DIP2A: variants seen among roughly 807,000 people sequenced by gnomAD.
DIP2A encodes disco-interacting protein 2 homolog A.
In DIP2A, 85 loss-of-function variants were observed where a neutral mutation model predicts 177.4. That is an observed-to-expected ratio of 0.48 (90% CI 0.40 to 0.57). The LOEUF (loss-of-function observed/expected upper bound fraction) is 0.57. Among genes scored for constraint, DIP2A ranks in the 20% least tolerant of loss-of-function variants. The pLI is 0.00. For synonymous variants in DIP2A, 886 were observed against 881.8 expected, an observed-to-expected ratio of 1.00 and a Z score of -0.08; for missense variants, 1,791 against 2,100.2, an observed-to-expected ratio of 0.85 and a Z score of 2.88.
chr21:46,566,458 C>A lies in DIP2A; in HGVS notation c.4340-102C>A, dbSNP rs1054570996. 17 of 1,509,912 alleles carry A rather than the reference C, an allele frequency of 1.1e-5. No individual in the cohort carries two copies. In the African/African-American group the frequency reaches 2.3e-4, roughly 21 times the overall value. 93.5% of individuals were successfully genotyped at this position (1,509,912 alleles called of 1,614,324 possible). A position where few individuals can be genotyped will look rare whatever the true frequency, so the allele number is the denominator to read the frequency against. ...GACCTCATGATGTTTCAGTTGAGAC[C>A]TCCCTGTGCCTGAGAGCCCCTGGTT... On this transcript the variant is annotated intron_variant, in intron 36 of 37. Coordinates refer to ENST00000417564, the MANE Select transcript of DIP2A (RefSeq NM_015151.4).
intron 1 of DIP2A, among the ~76,000 whole-genome samples, chr21:46,461,483 T>C (rs1347781421): frequency 6.6e-6 from 1 of 152,138 alleles, no homozygotes; most frequent in African/African-American, 2.4e-5. Context: ...GCTCCTAATT[T>C]CTGCTCCAAT....
chr21:46,514,642 G>GTTTTTTTTTTTTTTTTTTTTTTT (rs1159261551), intron 8 of DIP2A, among the ~76,000 whole-genome samples: 1 of 67,786 alleles, frequency 1.5e-5, no homozygotes, highest in Non-Finnish European at 2.8e-5. Flanking sequence ...TTTTTTTTTG[G>GTTTTTTTTTTTTTTTTTTTTTTT]TTTTTTTTTT....
chr21:46,491,568 A>G (rs2057015984), intron 3 of DIP2A, among the ~76,000 whole-genome samples: 1 of 152,236 alleles, frequency 6.6e-6, no homozygotes. Context: ...TGTTAAATAT[A>G]TAAAAAATAT....
rs193016862 is a variant in DIP2A at position 46,564,080 on chromosome 21, A to G, written c.4164+148A>G. The G allele has an allele frequency of 5.2e-4, 459 of 888,444 alleles. 4 individuals carry two copies. The African/African-American group carries it at 7.1e-3, about 14-fold the overall frequency. The allele number at this position is 888,444 out of a possible 1,614,324, so 55.0% of individuals were successfully genotyped here. ...GGCCCTTGCCCCGTGTACCTCCCAG[A>G]CCCAGTTCCTATGTAGGATTTTGGG... is the stretch of plus-strand genomic sequence containing the variant. On this transcript the variant is annotated intron_variant, in intron 35 of 37. Transcript: ENST00000417564.
At position 46,458,904 on chromosome 21, in the gene DIP2A, C is replaced by G. The variant is rs1848926692; in HGVS notation, c.-228C>G. 3 of 234,338 alleles carry G rather than the reference C, an allele frequency of 1.3e-5. No homozygotes were observed. The highest frequency in any genetic ancestry group is 5.7e-5 in the Admixed American group (1 of 17,648). The allele number at this position is 234,338 out of a possible 1,614,324, so 14.5% of individuals were successfully genotyped here. On this transcript the variant is annotated 5_prime_UTR_variant, in exon 1 of 38. Transcript: ENST00000417564. ...GCACGCGCTCCCGTGTAGGGCCGGC[C>G]GGGCGCTCAGGAGCGCGCGGGGCAG... is the stretch of plus-strand genomic sequence containing the variant.
At chr21:46,555,031 G>A in intron 28 of DIP2A, 98 bp downstream of exon 28, 1 of 1,266,152 alleles carries the variant, frequency 7.9e-7, no homozygotes, top group Admixed American at 2.0e-5. Flanking sequence ...CGTGAGGCAA[G>A]AGCAGTCCTG....
rs1003814775 is a variant in DIP2A, at chr21:46,459,073, C to T, written c.-59C>T. On this transcript the variant is annotated 5_prime_UTR_variant, in exon 1 of 38. Coordinates refer to ENST00000417564, the MANE Select transcript of DIP2A (RefSeq NM_015151.4). The stretch of plus-strand genomic sequence containing the variant: ...GGGAGCTACGTAGCCGAGGTTTGCG[C>T]TGCCGCCGCCAGGCCCGGTCCGGTT... 40 of 1,361,684 alleles carry T rather than the reference C, an allele frequency of 2.9e-5. No homozygotes were observed. The Middle Eastern group carries it at 5.6e-4, about 19-fold the overall frequency. 84.4% of individuals were successfully genotyped at this position (1,361,684 alleles called of 1,614,324 possible).
chr21:46,531,398 T>G (rs2059350453), intron 9 of DIP2A, among the ~76,000 whole-genome samples: 1 of 152,210 alleles, frequency 6.6e-6, no homozygotes. Flanking sequence ...TGGAGGTAGC[T>G]GTTATCAGAA....
chr21:46,545,808 C>A, intron 19 of DIP2A, 73 bp from the exon 20 acceptor site: 2 of 1,558,852 alleles, frequency 1.3e-6, no homozygotes, highest in Non-Finnish European at 1.8e-6. Flanking sequence ...GAGCCTCCTG[C>A]CGCCTGCTGG....
chr21:46,557,782 GT>G lies in DIP2A; in HGVS notation c.3798+30del. On this transcript the variant is annotated intron_variant, in intron 31 of 37. Coordinates refer to ENST00000417564, the MANE Select transcript of DIP2A (RefSeq NM_015151.4). This position sits in a 1 kb window ranked among gnomAD's most constrained non-coding sequence, Gnocchi z 6.0. ...AGTGCCCAGACCCGGGCTTCTGAGT[GT>G]GCTGCAGACCACAGCCCTGGGAAGT... The G allele has an allele frequency of 2.5e-6, 4 of 1,593,430 alleles. No homozygotes were observed. The highest frequency in any genetic ancestry group is 3.4e-6 in the Non-Finnish European group (4 of 1,163,458).
the DIP2A span, among the ~76,000 whole-genome samples, chr21:46,580,115 T>A: frequency 6.6e-6 from 1 of 152,210 alleles, no homozygotes; most frequent in Non-Finnish European, 1.5e-5. Flanking sequence ...AAAACTTGTT[T>A]TATAAATCTG....
At position 46,507,692 on chromosome 21, in the gene DIP2A, CTTTTT is replaced by C. The variant is rs34594717; in HGVS notation, c.785-1543_785-1539del. Among the ~76,000 whole-genome samples the C allele has an allele frequency of 2.3e-4, 10 of 43,950 alleles. 1 individual carries two copies. The East Asian group carries it at 6.4e-3, about 28-fold the overall frequency. The allele number at this position is 43,950 out of a possible 152,430, so 28.8% of individuals were successfully genotyped here. A position where few individuals can be genotyped will look rare whatever the true frequency, so the allele number is the denominator to read the frequency against. ...TGCTTTTTTTTTTTAATTTTCTGTT[CTTTTT>C]TTTTTTTTTTTTTTTTTTTTTAAGA... On this transcript the variant is annotated intron_variant, in intron 6 of 37. Coordinates refer to ENST00000417564, the MANE Select transcript of DIP2A (RefSeq NM_015151.4).
At chr21:46,555,190 G>A (rs1319628014) in intron 28 of DIP2A, among the ~76,000 whole-genome samples, 3 of 152,190 alleles carry the variant, frequency 2.0e-5, no homozygotes, top group Non-Finnish European at 4.4e-5. Context: ...CCTCTCACCC[G>A]CCTCCTACTG....
chr21:46,523,393 A>ATTTT lies in DIP2A; in HGVS notation c.1103-5677_1103-5674dup, dbSNP rs61370008. 1.3e-3 allele frequency among the ~76,000 whole-genome samples: 116 copies of ATTTT among 89,892 alleles called. 1 individual carries two copies. The highest frequency in any genetic ancestry group is 4.4e-3 in the African/African-American group (95 of 21,354). 59.0% of individuals were successfully genotyped at this position (89,892 alleles called of 152,430 possible). On this transcript the variant is annotated intron_variant, in intron 8 of 37. Coordinates refer to ENST00000417564, the MANE Select transcript of DIP2A (RefSeq NM_015151.4). ...AGGATTACAGGCGTGCGCCTGGCTA[A>ATTTT]TTTTTTTTTTTTTTTTTTTTTTTTT...
chr21:46,458,993 C>G lies in DIP2A; in HGVS notation c.-139C>G. ...GGGTGCGTTGCTGTCCTGGCCGCGC[C>G]CCTGTCCCGCCGCCTCCCGCTCCTC... On this transcript the variant is annotated 5_prime_UTR_variant, in exon 1 of 38. Transcript: ENST00000417564. The G allele has an allele frequency of 1.5e-6, 1 of 667,256 alleles. No homozygotes were observed. Among genetic ancestry groups the G allele is most frequent in the Non-Finnish European group, 2.2e-6 (1 of 445,296 alleles). 41.3% of individuals were successfully genotyped at this position (667,256 alleles called of 1,614,324 possible).
intron 8 of DIP2A, among the ~76,000 whole-genome samples, chr21:46,521,497 T>C (rs968663979): frequency 3.0e-5 from 4 of 131,368 alleles, no homozygotes; most frequent in Non-Finnish European, 5.3e-5. Context: ...CCATCTTTCA[T>C]TATTTTTTTA....
intron 32 of DIP2A, 131 bp from the exon 33 acceptor site, chr21:46,560,591 C>T: frequency 1.6e-6 from 2 of 1,234,632 alleles, no homozygotes; most frequent in Non-Finnish European, 2.3e-6. Flanking sequence ...GGACTCACTG[C>T]AGGGAGCAGA....
chr21:46,538,561 G>T lies in DIP2A; in HGVS notation c.1880G>T (p.Ser627Ile). ...AQRGQRDVSL[S>I]SLRMLIVADG... is the part of the protein sequence containing the mutation. Reference sequence around the variant, plus strand: ...CGGGGCCAGAGGGACGTCAGCCTCAGCTCACTGCGCATGCTGATTGTGGCC... The same window carrying T: ...CGGGGCCAGAGGGACGTCAGCCTCATCTCACTGCGCATGCTGATTGTGGCC... Residue 627 changes from serine to isoleucine, a missense_variant, in exon 16 of 38, where the codon AGC becomes ATC. Transcript: ENST00000417564. The T allele has an allele frequency of 1.3e-6, 2 of 1,563,850 alleles. No individual in the cohort carries two copies. The highest frequency in any genetic ancestry group is 1.7e-6 in the Non-Finnish European group (2 of 1,156,284).
chr21:46,479,045 C>T (rs931001226), intron 1 of DIP2A, among the ~76,000 whole-genome samples: 1 of 152,208 alleles, frequency 6.6e-6, no homozygotes, highest in South Asian at 2.1e-4. Flanking sequence ...GAAACTGGCT[C>T]CAGTCCTTAT....
Sources: gnomAD v4.1 joint callset for allele counts (sites outside exome capture counted in the v4.1 genomes callset) on GRCh38, gnomAD v4.1.1 for gene constraint, Gnocchi (gnomAD v3.1) non-coding constraint, MANE v1.5 for transcripts, NCBI Gene and HGNC (gene_info 2026-07-23, HGNC 2026-07-21) for gene names.